LRP1B: variants seen among roughly 807,000 people sequenced by gnomAD.
LRP1B encodes LDL receptor related protein 1B.
LRP1B carries 217 observed loss-of-function variants against 556.6 expected under a neutral mutation model. That is an observed-to-expected ratio of 0.39 (90% CI 0.35 to 0.44). The LOEUF (loss-of-function observed/expected upper bound fraction) is 0.44, where lower values mean the gene tolerates loss of function less well. Among genes scored for constraint, LRP1B ranks in the 20% least tolerant of loss-of-function variants. The pLI is 1.00. For synonymous variants in LRP1B, 2,047 were observed against 1,865.8 expected (o/e 1.10, Z -2.50); for missense variants, 5,053 against 5,620.8 (o/e 0.90, Z 3.23).
chr2:141,336,197 A>C (rs1250373748), intron 3 of LRP1B, among the ~76,000 whole-genome samples: 1 of 151,478 alleles, frequency 6.6e-6, no homozygotes, highest in Non-Finnish European at 1.5e-5. Flanking sequence ...GTGACTCTGC[A>C]GTCACTTCCT....
intron 2 of LRP1B, among the ~76,000 whole-genome samples, chr2:141,603,529 T>C (rs769566341): frequency 6.6e-6 from 1 of 152,158 alleles, no homozygotes; most frequent in African/African-American, 2.4e-5. Context: ...CAAAAAGTTA[T>C]AGTGGGATCA....
At chr2:141,676,310 A>G (rs1690876954) in intron 2 of LRP1B, among the ~76,000 whole-genome samples, 1 of 152,136 alleles carries the variant, frequency 6.6e-6, no homozygotes, top group South Asian at 2.1e-4. Context: ...ATAGAAAATA[A>G]TTTCATTTTA....
chr2:141,275,377 G>A (rs758940458), intron 3 of LRP1B, among the ~76,000 whole-genome samples: 2 of 152,124 alleles, frequency 1.3e-5, no homozygotes, highest in Non-Finnish European at 2.9e-5. Flanking sequence ...CTTTCAGTAG[G>A]GAGGGAGTTG....
intron 1 of LRP1B, among the ~76,000 whole-genome samples, chr2:142,013,850 G>A (rs960348879): frequency 2.0e-5 from 3 of 152,044 alleles, no homozygotes; most frequent in African/African-American, 4.8e-5. Context: ...GGACTTGCTG[G>A]GCTGCATTCC....
chr2:140,819,009 C>T (rs1214519536), intron 31 of LRP1B, among the ~76,000 whole-genome samples: 1 of 151,526 alleles, frequency 6.6e-6, no homozygotes, highest in African/African-American at 2.4e-5. Context: ...CTGTTCCATC[C>T]CTGGCTTCTC....
intron 3 of LRP1B, among the ~76,000 whole-genome samples, chr2:141,440,075 T>G (rs1389391531): frequency 6.6e-6 from 1 of 152,098 alleles, no homozygotes; most frequent in Non-Finnish European, 1.5e-5. Flanking sequence ...CCAGGGCACG[T>G]TGAAAATGAC....
At chr2:141,602,910 G>A (rs1687799239) in intron 2 of LRP1B, among the ~76,000 whole-genome samples, 3 of 152,092 alleles carry the variant, frequency 2.0e-5, no homozygotes. Flanking sequence ...GCCAGTAAAT[G>A]TTTCTTGAGA....
intron 7 of LRP1B, among the ~76,000 whole-genome samples, chr2:141,075,391 C>T (rs1483097971): frequency 6.6e-6 from 1 of 151,888 alleles, no homozygotes; most frequent in Non-Finnish European, 1.5e-5. Flanking sequence ...CATATTTTTC[C>T]CAATAAGTCT....
intron 2 of LRP1B, among the ~76,000 whole-genome samples, chr2:141,521,511 GA>G (rs1684528697): frequency 7.9e-6 from 1 of 127,034 alleles, no homozygotes; most frequent in Non-Finnish European, 1.8e-5. Flanking sequence ...TCTTTACTTG[GA>G]AGTAATTTTT....
chr2:140,771,998 C>T (rs578028110), intron 33 of LRP1B, among the ~76,000 whole-genome samples: 1 of 152,256 alleles, frequency 6.6e-6, no homozygotes, highest in South Asian at 2.1e-4. Context: ...CTGTCATGAG[C>T]TCTGTCATTT....
At chr2:140,825,113 T>C (rs1244344048) in intron 31 of LRP1B, among the ~76,000 whole-genome samples, 1 of 152,144 alleles carries the variant, frequency 6.6e-6, no homozygotes, top group East Asian at 1.9e-4. Flanking sequence ...AGTGTCTGTT[T>C]TAGAAGAATT....
At chr2:141,157,403 G>A (rs1037268424) in intron 7 of LRP1B, among the ~76,000 whole-genome samples, 2 of 152,042 alleles carry the variant, frequency 1.3e-5, no homozygotes, top group African/African-American at 4.8e-5. Context: ...AAGGCACTTT[G>A]GAGAAGAACA....
chr2:141,920,385 T>C (rs1399300908), intron 1 of LRP1B, among the ~76,000 whole-genome samples: 2 of 151,684 alleles, frequency 1.3e-5, no homozygotes, highest in Non-Finnish European at 2.9e-5. Flanking sequence ...AAGGAAACAA[T>C]CTTGGAATTT....
intron 1 of LRP1B, among the ~76,000 whole-genome samples, chr2:142,043,053 C>T (rs1704118058): frequency 6.6e-6 from 1 of 151,488 alleles, no homozygotes; most frequent in African/African-American, 2.4e-5. Context: ...GAAACACTAA[C>T]CTCGTGATAT....
chr2:141,769,853 G>A (rs1270805998), intron 2 of LRP1B, among the ~76,000 whole-genome samples: 2 of 150,078 alleles, frequency 1.3e-5, no homozygotes, highest in African/African-American at 4.9e-5. Context: ...ATGGAACCTT[G>A]AAAATTACCT....
chr2:140,802,952 T>C (rs1233759199), intron 32 of LRP1B, among the ~76,000 whole-genome samples: 2 of 152,280 alleles, frequency 1.3e-5, no homozygotes, highest in Non-Finnish European at 2.9e-5. Flanking sequence ...GGACCATCCC[T>C]GACTCTTACA....
chr2:141,488,123 A>C (rs2105105495), intron 2 of LRP1B, among the ~76,000 whole-genome samples: 1 of 152,256 alleles, frequency 6.6e-6, no homozygotes, highest in East Asian at 1.9e-4. Flanking sequence ...AGTTTATGAA[A>C]TGTATCATAT....
chr2:140,600,766 G>GTTTTTTTTTTTTTT (rs1558996101), intron 42 of LRP1B, among the ~76,000 whole-genome samples: 6 of 46,202 alleles, frequency 1.3e-4, no homozygotes, highest in East Asian at 5.7e-4. Flanking sequence ...TGTTCTTCGG[G>GTTTTTTTTTTTTTT]GTTTTTTTTT....
At chr2:140,687,995 C>T (rs1370864138) in intron 41 of LRP1B, among the ~76,000 whole-genome samples, 1 of 152,082 alleles carries the variant, frequency 6.6e-6, no homozygotes, top group African/African-American at 2.4e-5. Context: ...ATAAATCTCT[C>T]ACAAGGAAAG....
Sources: allele counts gnomAD v4.1 joint callset (sites outside exome capture counted in the v4.1 genomes callset), GRCh38; gene constraint gnomAD v4.1.1; transcripts MANE v1.5; gene names NCBI Gene and HGNC (gene_info 2026-07-23, HGNC 2026-07-21).